The following SYT12 variants were observed in gnomAD, a reference collection of about 807,000 sequenced individuals.
The protein encoded by SYT12 is synaptotagmin-12.
Under a neutral mutation model 39.5 loss-of-function variants are expected in SYT12, and 27 were observed. That is an observed-to-expected ratio of 0.68 (90% CI 0.50 to 0.94). The LOEUF (loss-of-function observed/expected upper bound fraction) is 0.94, where lower values mean the gene tolerates loss of function less well. Among genes scored for constraint, SYT12 ranks in the 40% least tolerant of loss-of-function variants. The pLI is 0.00. For missense variants in SYT12, 536 were observed against 572.6 expected, an observed-to-expected ratio of 0.94 and a Z score of 0.65; for synonymous variants, 233 against 239.7, an observed-to-expected ratio of 0.97 and a Z score of 0.26.
In SYT12 at chr11:67,040,204, G is replaced by A. The variant is rs779525588; in HGVS notation, c.621+1G>A. On this transcript the variant is annotated splice_donor_variant, in intron 4 of 7. Transcript: ENST00000527043. LOFTEE classifies it high-confidence loss of function. ...CGAGCAGATCGTGGGCATTTCTCGG[G>A]TAAGTGGGGCTCAGGGCGGGGCAGA... 1.3e-6 allele frequency: 2 copies of A among 1,568,802 alleles called. No homozygotes were observed. The highest frequency in any genetic ancestry group is 3.4e-5 in the Admixed American group (2 of 58,278).
At chr11:67,021,351 G>A (rs531180129), upstream of SYT12, among the ~76,000 whole-genome samples, 31 of 151,658 alleles carry the variant, frequency 2.0e-4, no homozygotes, top group South Asian at 6.0e-3. Flanking sequence ...TTGAGATGGA[G>A]TCTTGCTCTG....
At position 67,049,974 on chromosome 11, in the gene SYT12, G is replaced by GC. The variant is rs1854700541; in HGVS notation, c.*1218dup. 1 of 152,200 alleles carries GC rather than the reference G, an allele frequency of 6.6e-6. No individual in the cohort carries two copies. The highest frequency in any genetic ancestry group is 1.5e-5 in the Non-Finnish European group (1 of 68,050). The allele number at this position is 152,200 out of a possible 1,614,324, so 9.4% of individuals were successfully genotyped here. On this transcript the variant is annotated 3_prime_UTR_variant, in exon 8 of 8. Transcript: ENST00000527043. ...GGGATTCTGGGGCAAGTAGTTTCTT[G>GC]CGGGTGAGTGTTCTCAGAGAAACTT...
chr11:67,011,306 G>A (rs368466330), intron 3 of SYT12, among the ~76,000 whole-genome samples: 3 of 152,128 alleles, frequency 2.0e-5, no homozygotes, highest in African/African-American at 2.4e-5. Flanking sequence ...GCAATGGCAC[G>A]ATCTTGGCTC....
At chr11:67,036,071 T>G (rs958772589) in intron 3 of SYT12, among the ~76,000 whole-genome samples, 1 of 151,214 alleles carries the variant, frequency 6.6e-6, no homozygotes, top group Non-Finnish European at 1.5e-5. Flanking sequence ...CAAGCCACCA[T>G]GCCTAGCTAA....
At chr11:67,019,875 T>C (rs1950090852), upstream of SYT12, among the ~76,000 whole-genome samples, 3 of 139,324 alleles carry the variant, frequency 2.2e-5, no homozygotes, top group South Asian at 6.7e-4. Context: ...CCAGCCTGGG[T>C]GAAAGAGTGA....
intron 4 of SYT12, 132 bp from the exon 5 acceptor site, chr11:67,043,506 A>C (rs1950553356): frequency 1.2e-6 from 1 of 819,796 alleles, no homozygotes; most frequent in Non-Finnish European, 2.0e-6. Context: ...ACCAAAGGAA[A>C]GATTGGCATT....
At position 67,043,594 on chromosome 11, in the gene SYT12, G is replaced by T. The variant is rs995140636; in HGVS notation, c.622-44G>T. 6 of 1,594,500 alleles carry T rather than the reference G, an allele frequency of 3.8e-6. No individual in the cohort carries two copies. In the Admixed American group the frequency reaches 5.0e-5, roughly 13 times the overall value. Reference sequence around the variant, plus strand: ...TGTCCAGTGCTGTCTCCCTGCTGTGGCCTCTCAGGCCCCTAGCGCCCTCCA... The same window carrying T: ...TGTCCAGTGCTGTCTCCCTGCTGTGTCCTCTCAGGCCCCTAGCGCCCTCCA... On this transcript the variant is annotated intron_variant, in intron 4 of 7. Coordinates refer to ENST00000527043, the MANE Select transcript of SYT12 (RefSeq NM_177963.4).
chr11:67,007,658 G>A (rs1423631054), intron 1 of SYT12, among the ~76,000 whole-genome samples: 4 of 152,088 alleles, frequency 2.6e-5, no homozygotes, highest in Non-Finnish European at 4.4e-5. Context: ...TCCGCCTCCC[G>A]GGTTCAAGCG....
upstream of SYT12, chr11:67,021,736 A>G (rs1950111454): frequency 6.6e-6 from 1 of 152,060 alleles, no homozygotes. Flanking sequence ...ATGGACTCAA[A>G]TGGACTCAAT....
At chr11:67,025,654 A>G (rs7942885) in intron 1 of SYT12, among the ~76,000 whole-genome samples, 9,272 of 152,144 alleles carry the variant, frequency 0.061, 937 homozygotes, top group African/African-American at 0.21. Context: ...GACAGAGTCA[A>G]GGGGTCTCGG....
intron 1 of SYT12, chr11:67,027,768 T>G (rs1950201720): frequency 2.6e-5 from 4 of 152,238 alleles, no homozygotes; most frequent in Admixed American, 2.6e-4. Context: ...CATGCATACC[T>G]TGCTCGCGTG....
intron 3 of SYT12, among the ~76,000 whole-genome samples, chr11:67,038,010 G>T (rs1282587340): frequency 6.8e-6 from 1 of 147,078 alleles, no homozygotes; most frequent in Non-Finnish European, 1.5e-5. Flanking sequence ...AGCTGTGATC[G>T]CACTCCACCC....
chr11:67,041,823 A>C (rs543227000), intron 4 of SYT12, among the ~76,000 whole-genome samples: 60 of 152,312 alleles, frequency 3.9e-4, no homozygotes, highest in African/African-American at 1.2e-3. Flanking sequence ...GGCCAAGGGA[A>C]CCTGTTGACA....
intron 4 of SYT12, among the ~76,000 whole-genome samples, chr11:67,043,085 G>A (rs890551555): frequency 6.6e-5 from 10 of 152,294 alleles, no homozygotes; most frequent in Non-Finnish European, 1.0e-4. Flanking sequence ...CCTTCCCAGG[G>A]GGCCTGCCCA....
intron 1 of SYT12, among the ~76,000 whole-genome samples, chr11:67,025,105 C>T (rs748274592): frequency 3.9e-5 from 6 of 152,186 alleles, no homozygotes; most frequent in Non-Finnish European, 7.4e-5. Flanking sequence ...ATCCATTGCA[C>T]CCTGGCACCA....
At position 67,030,425 on chromosome 11, in the gene SYT12, C is replaced by G. The variant is rs989560171; in HGVS notation, c.34+247C>G. 12 of 512,936 alleles carry G rather than the reference C, an allele frequency of 2.3e-5. No individual in the cohort carries two copies. The Admixed American group carries it at 2.9e-4, about 12-fold the overall frequency. 31.8% of individuals were successfully genotyped at this position (512,936 alleles called of 1,614,324 possible). Reference sequence around the variant, plus strand: ...CTTGTTAAAGTGACTTTCTCTCTTTCACTTGAAAGGGTCCCCGGGGAGACC... The same window carrying G: ...CTTGTTAAAGTGACTTTCTCTCTTTGACTTGAAAGGGTCCCCGGGGAGACC... On this transcript the variant is annotated intron_variant, in intron 2 of 7. Coordinates refer to ENST00000527043, the MANE Select transcript of SYT12 (RefSeq NM_177963.4).
chr11:67,018,822 CAA>C (rs528815983), upstream of SYT12, among the ~76,000 whole-genome samples: 1 of 137,676 alleles, frequency 7.3e-6, no homozygotes. Context: ...GACTCCGTCT[CAA>C]AAAAAAAAAG....
chr11:67,042,508 C>T (rs762544298), intron 4 of SYT12, among the ~76,000 whole-genome samples: 2 of 152,150 alleles, frequency 1.3e-5, no homozygotes, highest in Non-Finnish European at 2.9e-5. Flanking sequence ...AACCGAGGCT[C>T]GGGAAAGTGC....
At chr11:67,022,722 T>TA (rs36122414), upstream of SYT12, 37,475 of 152,090 alleles carry the variant, frequency 0.25, 5,515 homozygotes, top group Non-Finnish European at 0.33. Context: ...TTTCTTCATG[T>TA]AAAAAATGGA....
Sources: gnomAD v4.1 joint callset for allele counts (sites outside exome capture counted in the v4.1 genomes callset) on GRCh38, gnomAD v4.1.1 for gene constraint, MANE v1.5 for transcripts, NCBI Gene and HGNC (gene_info 2026-07-23, HGNC 2026-07-21) for gene names.